Variants in ZNF385D observed in about 807,000 individuals in gnomAD.
The protein encoded by ZNF385D is zinc finger protein 659.
Under a neutral mutation model 35.8 loss-of-function variants are expected in ZNF385D, and 15 were observed. That is an observed-to-expected ratio of 0.42 (90% CI 0.28 to 0.64). The LOEUF is 0.64. Ranked by LOEUF, ZNF385D falls within the 30% of genes least tolerant of loss-of-function variation. The pLI, the probability that ZNF385D is intolerant of heterozygous loss-of-function variation, is 0.23. For synonymous variants in ZNF385D, 212 were observed against 186.8 expected, an observed-to-expected ratio of 1.13 and a Z score of -1.10; for missense variants, 474 against 494.6, an observed-to-expected ratio of 0.96 and a Z score of 0.39.
intron 1 of ZNF385D, among the ~76,000 whole-genome samples, chr3:21,732,982 A>C (rs927928627): frequency 5.9e-5 from 9 of 151,810 alleles, no homozygotes; most frequent in African/African-American, 2.2e-4. Flanking sequence ...GGTCCTCTAG[A>C]TTTTCTTCTA....
chr3:21,908,874 TA>T (rs1166162231), intron 3 of ZNF385D, among the ~76,000 whole-genome samples: 1 of 152,142 alleles, frequency 6.6e-6, no homozygotes, highest in Non-Finnish European at 1.5e-5. Context: ...TTTCAGCTGT[TA>T]AAAATGTTAT....
chr3:21,564,683 A>C lies in ZNF385D; in HGVS notation c.167T>G (p.Met56Arg). 1 of 1,539,600 alleles carries C rather than the reference A, an allele frequency of 6.5e-7. No homozygotes were observed. Among genetic ancestry groups the C allele is most frequent in the South Asian group, 1.3e-5 (1 of 79,450 alleles). The change falls in exon 3 of 8, where the codon ATG becomes AGG. Residue 56 changes from methionine (M) to arginine (R), a missense_variant and splice_region_variant. Coordinates refer to ENST00000281523, the MANE Select transcript of ZNF385D (RefSeq NM_024697.3). ...TATTACAGCTTTCTGAATCGGGTCC[A>C]TCTGTAATGAGAAAAAAGAAATACA... is the stretch of plus-strand genomic sequence containing the variant. ...AVNLFPNFNA[M>R]DPIQKAVINH... is the part of the protein sequence containing the mutation.
At chr3:22,229,413 G>A (rs1301903108) in intron 2 of ZNF385D, among the ~76,000 whole-genome samples, 1 of 152,192 alleles carries the variant, frequency 6.6e-6, no homozygotes, top group Non-Finnish European at 1.5e-5. Flanking sequence ...TCAGCATTCA[G>A]TGAGGGGGAC....
intron 3 of ZNF385D, among the ~76,000 whole-genome samples, chr3:21,860,033 T>C (rs1199120921): frequency 6.6e-6 from 1 of 152,096 alleles, no homozygotes; most frequent in Non-Finnish European, 1.5e-5. Flanking sequence ...GAACCCACTT[T>C]TTTGGGACTA....
chr3:21,585,066 A>C (rs2063772469), intron 2 of ZNF385D, among the ~76,000 whole-genome samples: 2 of 151,058 alleles, frequency 1.3e-5, no homozygotes, highest in South Asian at 4.2e-4. Flanking sequence ...CAGTTTTTGA[A>C]ATATAACGAG....
intron 3 of ZNF385D, among the ~76,000 whole-genome samples, chr3:22,056,715 A>T (rs958059622): frequency 1.1e-4 from 16 of 152,276 alleles, no homozygotes; most frequent in African/African-American, 3.9e-4. Context: ...CCACAGAAAA[A>T]CTCAGTGGAT....
chr3:22,367,381 A>G (rs1054219487), intron 2 of ZNF385D, among the ~76,000 whole-genome samples: 2 of 152,198 alleles, frequency 1.3e-5, no homozygotes, highest in Admixed American at 6.5e-5. Context: ...ACTATGCTAA[A>G]TAACTGTTTT....
chr3:22,189,148 A>G (rs1399759115), intron 2 of ZNF385D, among the ~76,000 whole-genome samples: 2 of 152,282 alleles, frequency 1.3e-5, no homozygotes, highest in Non-Finnish European at 2.9e-5. Context: ...AGTTTTGCTC[A>G]TATACTAAAG....
Position 22,240,265 on chromosome 3 carries a change from G to A in ZNF385D, c.107-71230C>T, listed in dbSNP as rs956867635. ...CATTAGAAATTTTCTGGCTTGCAAT[G>A]CAGTTTCTACCTGCTGTGCTTTTAC... On this transcript the variant is annotated intron_variant, in intron 2 of 5. Transcript: ENST00000494108. Among the ~76,000 whole-genome samples the A allele has an allele frequency of 1.3e-5, 2 of 149,198 alleles. 1 individual carries two copies. The highest frequency in any genetic ancestry group is 4.0e-4 in the East Asian group (2 of 5,038).
chr3:21,650,816 TTAAA>T (rs1436921128), intron 2 of ZNF385D, among the ~76,000 whole-genome samples: 1 of 152,140 alleles, frequency 6.6e-6, no homozygotes, highest in Non-Finnish European at 1.5e-5. Context: ...GTGTTTGGCC[TTAAA>T]TAGAGTGGAA....
intron 3 of ZNF385D, among the ~76,000 whole-genome samples, chr3:22,121,508 A>C (rs571160190): frequency 1.3e-5 from 2 of 152,300 alleles, no homozygotes; most frequent in South Asian, 4.1e-4. Context: ...TAAAATGAGA[A>C]AGGACAAACG....
chr3:21,551,067 T>C (rs2062551971), intron 3 of ZNF385D, among the ~76,000 whole-genome samples: 1 of 152,186 alleles, frequency 6.6e-6, no homozygotes, highest in Admixed American at 6.5e-5. Context: ...AATAATACCA[T>C]GTAAGAGAAC....
intron 2 of ZNF385D, among the ~76,000 whole-genome samples, chr3:22,333,072 T>C (rs999429639): frequency 6.6e-5 from 10 of 152,170 alleles, no homozygotes; most frequent in South Asian, 2.1e-4. Context: ...ATTATTTTTG[T>C]TGGACATGGA....
At chr3:22,101,191 A>T (rs1280656172) in intron 3 of ZNF385D, among the ~76,000 whole-genome samples, 1 of 152,122 alleles carries the variant, frequency 6.6e-6, no homozygotes, top group Non-Finnish European at 1.5e-5. Context: ...TTCAAGACAG[A>T]TTTAAGAGAT....
At chr3:22,035,480 G>C (rs1185439104) in intron 3 of ZNF385D, among the ~76,000 whole-genome samples, 1 of 152,036 alleles carries the variant, frequency 6.6e-6, no homozygotes, top group African/African-American at 2.4e-5. Flanking sequence ...AACCATAAAA[G>C]ATAGCTTCTG....
chr3:21,566,776 G>A (rs905060328), intron 2 of ZNF385D, among the ~76,000 whole-genome samples: 1 of 152,146 alleles, frequency 6.6e-6, no homozygotes, highest in Non-Finnish European at 1.5e-5. Flanking sequence ...TGCATAGAGT[G>A]AGGATAATTG....
intron 2 of ZNF385D, among the ~76,000 whole-genome samples, chr3:22,261,379 T>C (rs1038279644): frequency 3.3e-5 from 5 of 152,028 alleles, no homozygotes; most frequent in African/African-American, 9.7e-5. Context: ...GGCATTAGGA[T>C]TGAGAAGAGG....
chr3:22,172,723 A>G (rs1008653261), intron 2 of ZNF385D, among the ~76,000 whole-genome samples: 2 of 152,232 alleles, frequency 1.3e-5, no homozygotes, highest in African/African-American at 4.8e-5. Flanking sequence ...TCAAAGCAAC[A>G]TATTATTGGA....
chr3:21,727,580 G>T (rs2125472603), intron 1 of ZNF385D, among the ~76,000 whole-genome samples: 1 of 152,270 alleles, frequency 6.6e-6, no homozygotes, highest in South Asian at 2.1e-4. Context: ...GCTCATCACT[G>T]GTCATTAGAG....
Sources: allele counts gnomAD v4.1 joint callset (sites outside exome capture counted in the v4.1 genomes callset), GRCh38; gene constraint gnomAD v4.1.1; transcripts MANE v1.5; gene names NCBI Gene and HGNC (gene_info 2026-07-23, HGNC 2026-07-21).